NUDT5: variants seen among roughly 807,000 people sequenced by gnomAD.
NUDT5 encodes ADP-sugar pyrophosphatase.
Under a neutral mutation model 34.1 loss-of-function variants are expected in NUDT5, and 21 were observed. The observed-to-expected ratio is 0.62, with a 90% confidence interval of 0.44 to 0.89. The LOEUF (loss-of-function observed/expected upper bound fraction) is 0.89, where lower values mean the gene tolerates loss of function less well. Ranked by LOEUF, NUDT5 falls within the 40% of genes least tolerant of loss-of-function variation. NUDT5 has a pLI of 0.00. For missense variants in NUDT5, 249 were observed against 274.8 expected, an observed-to-expected ratio of 0.91 and a Z score of 0.66; for synonymous variants, 85 against 97.6, an observed-to-expected ratio of 0.87 and a Z score of 0.76.
Position 12,168,026 on chromosome 10 carries a change from G to T in NUDT5, c.551-215C>A. The stretch of plus-strand genomic sequence containing the variant: ...ATGAGACAAGAACATCAGGGATAAT[G>T]ATTTTTTTTTTTTTTGGTGAGACAG... On this transcript the variant is annotated intron_variant, in intron 9 of 9. Coordinates refer to ENST00000491614, the MANE Select transcript of NUDT5 (RefSeq NM_014142.4). This position sits in a 1 kb window ranked among gnomAD's most constrained non-coding sequence, Gnocchi z 4.8. The T allele has an allele frequency of 4.6e-6, 4 of 861,176 alleles. No homozygotes were observed. Among genetic ancestry groups the T allele is most frequent in the Admixed American group, 4.5e-5 (1 of 22,462 alleles). 53.3% of individuals were successfully genotyped at this position (861,176 alleles called of 1,614,324 possible).
chr10:12,165,461 G>A lies in NUDT5; in HGVS notation c.*2241C>T. 1.5e-6 allele frequency: 1 copy of A among 665,118 alleles called. No homozygotes were observed. The highest frequency in any genetic ancestry group is 1.9e-6 in the Non-Finnish European group (1 of 537,810). 41.2% of individuals were successfully genotyped at this position (665,118 alleles called of 1,614,324 possible). A position where few individuals can be genotyped will look rare whatever the true frequency, so the allele number is the denominator to read the frequency against. ...AGTGTATTCATAAGAAGTCCACCCT[G>A]AGATGCCTGTAAAAGTCAAATGTAA... On this transcript the variant is annotated 3_prime_UTR_variant, in exon 10 of 10. Transcript: ENST00000491614.
At chr10:12,186,134 G>T in intron 2 of NUDT5, 95 bp downstream of exon 2, 1 of 1,015,896 alleles carries the variant, frequency 9.8e-7, no homozygotes. Context: ...CTGTCTTCAA[G>T]AATGAAAGAC....
rs1834860450 is a variant in NUDT5, at chr10:12,171,730, T to TA, written c.488-823dup. Reference sequence around the variant, plus strand: ...TTATTTATTTATTTATTTATTTATTTATTTATTTTTTGGAGACAGGGTCTC... The same window carrying TA: ...TTATTTATTTATTTATTTATTTATTTAATTTATTTTTTGGAGACAGGGTCTC... On this transcript the variant is annotated intron_variant, in intron 7 of 9. Transcript: ENST00000491614. The surrounding 1 kb of genome is among the most constrained non-coding windows in gnomAD (Gnocchi z 4.2). 6.6e-6 allele frequency among the ~76,000 whole-genome samples: 1 copy of TA among 150,784 alleles called. No homozygotes were observed. The highest frequency in any genetic ancestry group is 1.5e-5 in the Non-Finnish European group (1 of 67,750).
chr10:12,179,835 G>A (rs1317808942), intron 3 of NUDT5, among the ~76,000 whole-genome samples: 1 of 152,116 alleles, frequency 6.6e-6, no homozygotes, highest in Non-Finnish European at 1.5e-5. Flanking sequence ...TTGGAACATG[G>A]GGCACAGTTG....
rs756613580 is a variant in NUDT5 at position 12,177,812 on chromosome 10, G to A, written c.270C>T (p.Tyr90=). 1 of 1,613,492 alleles carries A rather than the reference G, an allele frequency of 6.2e-7. No individual in the cohort carries two copies. Among genetic ancestry groups the A allele is most frequent in the Non-Finnish European group, 8.5e-7 (1 of 1,179,382 alleles). ...VKQFRPPMGG[Y]CIEFPAGLID... The stretch of plus-strand genomic sequence containing the variant: ...ACTCACCTGCAGGGAACTCTATGCA[G>A]TAGCCCCCCATTGGTGGTCGGAACT... Residue 90 remains tyrosine (Y), a synonymous_variant, in exon 5 of 10, where the codon TAC becomes TAT. Coordinates refer to ENST00000491614, the MANE Select transcript of NUDT5 (RefSeq NM_014142.4).
intron 2 of NUDT5, among the ~76,000 whole-genome samples, chr10:12,185,823 A>C (rs1160997407): frequency 6.6e-6 from 1 of 152,260 alleles, no homozygotes; most frequent in East Asian, 1.9e-4. Context: ...CATTGGTTCT[A>C]GAATTCACTG....
At position 12,171,335 on chromosome 10, in the gene NUDT5, G is replaced by A. The variant is rs181412699; in HGVS notation, c.488-427C>T. 2.9e-4 allele frequency among the ~76,000 whole-genome samples: 44 copies of A among 152,274 alleles called. No homozygotes were observed. The highest frequency in any genetic ancestry group is 4.7e-4 in the Non-Finnish European group (32 of 68,028). ...ACACTAATTCCCCATCCCTAGTAGCGCTTACTCTACTGTCTTCCTCTATCA... is the reference window on the plus strand; with the variant it reads ...ACACTAATTCCCCATCCCTAGTAGCACTTACTCTACTGTCTTCCTCTATCA... On this transcript the variant is annotated intron_variant, in intron 7 of 9. Coordinates refer to ENST00000491614, the MANE Select transcript of NUDT5 (RefSeq NM_014142.4). This position sits in a 1 kb window ranked among gnomAD's most constrained non-coding sequence, Gnocchi z 4.2.
At position 12,182,578 on chromosome 10, in the gene NUDT5, C is replaced by T. The variant is rs144529469; in HGVS notation, c.131+2311G>A. Among the ~76,000 whole-genome samples, 60 of 152,202 alleles carry T rather than the reference C, an allele frequency of 3.9e-4. No homozygotes were observed. The East Asian group carries it at 0.011, about 28-fold the overall frequency. On this transcript the variant is annotated intron_variant, in intron 3 of 9. Transcript: ENST00000491614. This position sits in a 1 kb window ranked among gnomAD's most constrained non-coding sequence, Gnocchi z 4.3. ...ATGGTAGTTTGGTGGATTTTAGAGC[C>T]TACTCCCAATCTACTGAAATAGATA...
chr10:12,182,670 T>A lies in NUDT5; in HGVS notation c.131+2219A>T, dbSNP rs1835061526. On this transcript the variant is annotated intron_variant, in intron 3 of 9. Transcript: ENST00000491614. This position sits in a 1 kb window ranked among gnomAD's most constrained non-coding sequence, Gnocchi z 4.3. ...TATGATTCTGATGTACATCCCTGATTAGGAAATGCAGGAAGGGCAGAAGAC... is the reference window on the plus strand; with the variant it reads ...TATGATTCTGATGTACATCCCTGATAAGGAAATGCAGGAAGGGCAGAAGAC... 6.6e-6 allele frequency among the ~76,000 whole-genome samples: 1 copy of A among 152,182 alleles called. No homozygotes were observed. The highest frequency in any genetic ancestry group is 6.5e-5 in the Admixed American group (1 of 15,284).
intron 1 of NUDT5, among the ~76,000 whole-genome samples, chr10:12,193,406 T>C (rs1274511991): frequency 6.6e-6 from 1 of 152,194 alleles, no homozygotes; most frequent in Admixed American, 6.5e-5. Flanking sequence ...AATGTGTTTT[T>C]TCATTACTTC....
rs745714717 is a variant in NUDT5 at position 12,179,149 on chromosome 10, GAAA to G, written c.132-20_132-18del. 1.9e-6 allele frequency: 3 copies of G among 1,603,746 alleles called. No individual in the cohort carries two copies. The highest frequency in any genetic ancestry group is 2.2e-5 in the South Asian group (2 of 89,198). On this transcript the variant is annotated intron_variant, in intron 3 of 9. Coordinates refer to ENST00000491614, the MANE Select transcript of NUDT5 (RefSeq NM_014142.4). ...TCCCAAGTTCTGTTCAGGCAGAGAA[GAAA>G]AAAAAGTCATTAGTGCTACAGAAGA...
rs568103904 is a variant in NUDT5, at chr10:12,181,841, T to A, written c.132-2709A>T. 7.9e-4 allele frequency among the ~76,000 whole-genome samples: 119 copies of A among 150,736 alleles called. 1 individual carries two copies. The highest frequency in any genetic ancestry group is 4.2e-3 in the South Asian group (20 of 4,746). On this transcript the variant is annotated intron_variant, in intron 3 of 9. Transcript: ENST00000491614. This position sits in a 1 kb window ranked among gnomAD's most constrained non-coding sequence, Gnocchi z 5.0. ...TAAAAAAATAAAAATTAAATAAATT[T>A]AAAAAAAAAGGATATGGCCGGATGC...
rs1200578288 is a variant in NUDT5 at position 12,173,270 on chromosome 10, T to C, written c.386-404A>G. Among the ~76,000 whole-genome samples, 1 of 152,238 alleles carries C rather than the reference T, an allele frequency of 6.6e-6. No individual in the cohort carries two copies. The highest frequency in any genetic ancestry group is 1.5e-5 in the Non-Finnish European group (1 of 68,050). On this transcript the variant is annotated intron_variant, in intron 6 of 9. Transcript: ENST00000491614. The surrounding 1 kb of genome is among the most constrained non-coding windows in gnomAD (Gnocchi z 4.7). ...TCTTATTGCCCAGGATGGAGTGCAC[T>C]GGCGTGATCTTGGCTCACTGCAACC...
chr10:12,186,421 C>CA, intron 1 of NUDT5, 89 bp from the exon 2 acceptor site: 1 of 704,602 alleles, frequency 1.4e-6, no homozygotes, highest in African/African-American at 1.8e-5. Flanking sequence ...ACTTAAACGG[C>CA]AAAAAATTCA....
Position 12,171,248 on chromosome 10 carries a change from C to T in NUDT5, c.488-340G>A, listed in dbSNP as rs1834846291. 6.6e-6 allele frequency among the ~76,000 whole-genome samples: 1 copy of T among 152,136 alleles called. No homozygotes were observed. The highest frequency in any genetic ancestry group is 1.5e-5 in the Non-Finnish European group (1 of 68,034). On this transcript the variant is annotated intron_variant, in intron 7 of 9. Transcript: ENST00000491614. The surrounding 1 kb of genome is among the most constrained non-coding windows in gnomAD (Gnocchi z 4.2). ...AATAACATTCAAAAAGGTGCACAAC[C>T]ACCACCAGTATCCATCTCCAGAACT... is the stretch of plus-strand genomic sequence containing the variant.
At chr10:12,176,539 G>A (rs2131704960) in intron 5 of NUDT5, among the ~76,000 whole-genome samples, 1 of 152,172 alleles carries the variant, frequency 6.6e-6, no homozygotes, top group South Asian at 2.1e-4. Context: ...GGGAGGTGGA[G>A]GCTGCAGTGA....
chr10:12,180,106 T>C (rs957537142), intron 3 of NUDT5, among the ~76,000 whole-genome samples: 1 of 152,248 alleles, frequency 6.6e-6, no homozygotes, highest in African/African-American at 2.4e-5. Context: ...CTCCTGCTCA[T>C]GCTTCCTATC....
At position 12,182,688 on chromosome 10, in the gene NUDT5, C is replaced by T. The variant is rs1835061786; in HGVS notation, c.131+2201G>A. On this transcript the variant is annotated intron_variant, in intron 3 of 9. Coordinates refer to ENST00000491614, the MANE Select transcript of NUDT5 (RefSeq NM_014142.4). This position sits in a 1 kb window ranked among gnomAD's most constrained non-coding sequence, Gnocchi z 4.3. ...CCCTGATTAGGAAATGCAGGAAGGG[C>T]AGAAGACCAGTCAGGCGAAGAGATG... Among the ~76,000 whole-genome samples the T allele has an allele frequency of 6.6e-6, 1 of 152,172 alleles. No homozygotes were observed. The highest frequency in any genetic ancestry group is 2.4e-5 in the African/African-American group (1 of 41,432).
Position 12,167,093 on chromosome 10 carries a change from G to A in NUDT5, c.*609C>T, listed in dbSNP as rs1018759282. 3.2e-4 allele frequency: 53 copies of A among 163,468 alleles called. No individual in the cohort carries two copies. Among genetic ancestry groups the A allele is most frequent in the African/African-American group, 1.2e-3 (50 of 41,498 alleles). The allele number at this position is 163,468 out of a possible 1,614,324, so 10.1% of individuals were successfully genotyped here. ...ATTAGTCTCCTAGCCTTGGTGTAGT[G>A]AATGGAGTCAACCGTTTTCCTTACT... On this transcript the variant is annotated 3_prime_UTR_variant, in exon 10 of 10. Transcript: ENST00000491614.
Sources: gnomAD v4.1 joint callset for allele counts (sites outside exome capture counted in the v4.1 genomes callset) on GRCh38, gnomAD v4.1.1 for gene constraint, Gnocchi (gnomAD v3.1) non-coding constraint, MANE v1.5 for transcripts, NCBI Gene and HGNC (gene_info 2026-07-23, HGNC 2026-07-21) for gene names.